The following PNPLA4 variants were observed in gnomAD, a reference collection of about 807,000 sequenced individuals.
The protein encoded by PNPLA4 is patatin like domain 4, phospholipase and triacylglycerol lipase.
A neutral mutation model predicts 18.3 loss-of-function variants in PNPLA4; 15 were observed. The observed-to-expected ratio is 0.82, with a 90% CI of 0.55 to 1.26. The LOEUF is 1.26. PNPLA4 is among the 50% of genes most tolerant of loss of function. PNPLA4 has a pLI of 0.00. For synonymous variants in PNPLA4, 88 were observed against 85.6 expected (o/e 1.03, Z -0.16); for missense variants, 229 against 196.8 (o/e 1.16, Z -0.98).
intron 4 of PNPLA4, among the ~76,000 whole-genome samples, chrX:7,916,324 C>T (rs1479112474): frequency 9.0e-6 from 1 of 110,975 alleles, no homozygotes; most frequent in African/African-American, 3.3e-5. Flanking sequence ...AAAAAGAGCC[C>T]ACAATAAAAT....
At chrX:7,902,216 A>C in intron 5 of PNPLA4, 75 bp from the exon 6 acceptor site, 2 of 961,817 alleles carry the variant, frequency 2.1e-6, no homozygotes, top group Non-Finnish European at 2.8e-6. Context: ...TTCTAATAAT[A>C]TGTGTGCCTT....
At chrX:7,903,690 T>G (rs968838583) in intron 5 of PNPLA4, among the ~76,000 whole-genome samples, 4 of 111,760 alleles carry the variant, frequency 3.6e-5, no homozygotes, top group Non-Finnish European at 7.5e-5. Flanking sequence ...CCAAAGGAAA[T>G]AAAAGTAAAT....
chrX:7,910,295 A>G (rs1349772784), intron 5 of PNPLA4, among the ~76,000 whole-genome samples: 1 of 111,214 alleles, frequency 9.0e-6, no homozygotes, highest in East Asian at 2.8e-4. Flanking sequence ...AGGACCGATG[A>G]GATCAGAACA....
At chrX:7,917,297 C>G (rs1322109397) in intron 4 of PNPLA4, among the ~76,000 whole-genome samples, 1 of 112,117 alleles carries the variant, frequency 8.9e-6, no homozygotes, top group Non-Finnish European at 1.9e-5. Flanking sequence ...TAATGATGAG[C>G]TGTAAAATCA....
intron 4 of PNPLA4, among the ~76,000 whole-genome samples, chrX:7,919,525 A>G (rs1924147879): frequency 8.9e-6 from 1 of 112,533 alleles, no homozygotes; most frequent in Admixed American, 9.4e-5. Context: ...CAGCCATGAC[A>G]CAGAATCCAG....
Position 7,922,030 on chromosome X carries a change from G to T in PNPLA4, c.249C>A (p.Pro83=), listed in dbSNP as rs745454280. The T allele has an allele frequency of 1.3e-5, 16 of 1,207,609 alleles. No homozygotes were observed. The East Asian group carries it at 4.4e-4, about 33-fold the overall frequency. ...TTAGTCGGGCCATGAAGTCATAACC[G>T]GGCGTTACTGCCCCGAAAGACTGCC... is the stretch of plus-strand genomic sequence containing the variant. ...IRRQSFGAVT[P]GYDFMARLRS... is the part of the protein sequence containing the mutation. The change falls in exon 3 of 7, where the codon CCC becomes CCA. Residue 83 remains proline, a synonymous_variant. Coordinates refer to ENST00000381042, the MANE Select transcript of PNPLA4 (RefSeq NM_004650.3).
At chrX:7,917,629 CTTAT>C (rs1439725954) in intron 4 of PNPLA4, among the ~76,000 whole-genome samples, 3 of 111,878 alleles carry the variant, frequency 2.7e-5, no homozygotes, top group African/African-American at 9.8e-5. Flanking sequence ...CATGCTTTAT[CTTAT>C]TTATTCTGTA....
intron 4 of PNPLA4, among the ~76,000 whole-genome samples, chrX:7,919,223 C>G (rs141807552): frequency 3.6e-3 from 405 of 112,660 alleles, no homozygotes; most frequent in African/African-American, 0.012. Flanking sequence ...GCCGTTATAA[C>G]AAATTACTAC....
At chrX:7,908,735 G>T (rs1283506556) in intron 5 of PNPLA4, among the ~76,000 whole-genome samples, 1 of 111,971 alleles carries the variant, frequency 8.9e-6, no homozygotes, top group African/African-American at 3.3e-5. Context: ...GAGACATAAG[G>T]TTCAACTCTA....
chrX:7,904,632 C>T (rs1207019960), intron 5 of PNPLA4, among the ~76,000 whole-genome samples: 1 of 112,372 alleles, frequency 8.9e-6, no homozygotes. Context: ...TCTTCAACCT[C>T]CAAATTAAAA....
At chrX:7,901,509 C>G (rs373010893) in intron 6 of PNPLA4, among the ~76,000 whole-genome samples, 1 of 111,491 alleles carries the variant, frequency 9.0e-6, no homozygotes, top group South Asian at 3.9e-4. Flanking sequence ...ATTACCTGAG[C>G]CTGGGCGGTC....
intron 3 of PNPLA4, 26 bp from the exon 4 acceptor site, chrX:7,921,874 T>C: frequency 8.5e-7 from 1 of 1,181,038 alleles, no homozygotes; most frequent in Non-Finnish European, 1.1e-6. Context: ...CAATCTGAAT[T>C]ACTCACCTTT....
At chrX:7,916,293 G>T (rs190876723) in intron 4 of PNPLA4, among the ~76,000 whole-genome samples, 115 of 111,474 alleles carry the variant, frequency 1.0e-3, no homozygotes, top group African/African-American at 3.7e-3. Flanking sequence ...GGATTTCCTA[G>T]TTGCATGCAT....
intron 5 of PNPLA4, among the ~76,000 whole-genome samples, chrX:7,907,692 A>G (rs1923749359): frequency 9.0e-6 from 1 of 111,495 alleles, no homozygotes; most frequent in Non-Finnish European, 1.9e-5. Flanking sequence ...GAACTTTTTA[A>G]AATAATATTT....
At chrX:7,925,888 T>G in intron 2 of PNPLA4, 52 bp downstream of exon 2, 1 of 1,076,383 alleles carries the variant, frequency 9.3e-7, no homozygotes, top group Non-Finnish European at 1.3e-6. Flanking sequence ...GTGTTTGCCT[T>G]TGGGTCTTAA....
rs1310496157 is a variant in PNPLA4 at position 7,900,774 on chromosome X, G to C, written c.674C>G (p.Pro225Arg). Residue 225 changes from proline (P) to arginine (R), a missense_variant, in exon 7 of 7, where the codon CCC becomes CGC. By Grantham distance (103) the Pro-to-Arg change is moderately radical. Coordinates refer to ENST00000381042, the MANE Select transcript of PNPLA4 (RefSeq NM_004650.3). ...AGATTCCATTTTCCTCTTGCTTGGGGGAAAAAGGGCTTGGTTGAGTCTCAC... is the reference window on the plus strand; with the variant it reads ...AGATTCCATTTTCCTCTTGCTTGGGCGAAAAAGGGCTTGGTTGAGTCTCAC... ...NLVRLNQALF[P>R]PSKRKMESLY... is the part of the protein sequence containing the mutation. The C allele has an allele frequency of 8.3e-7, 1 of 1,204,165 alleles. No individual in the cohort carries two copies. Among genetic ancestry groups the C allele is most frequent in the Non-Finnish European group, 1.1e-6 (1 of 890,086 alleles).
In PNPLA4 at chrX:7,899,426, T is replaced by C. The variant is rs1388809518; in HGVS notation, c.*1260A>G. On this transcript the variant is annotated 3_prime_UTR_variant, in exon 7 of 7. Transcript: ENST00000381042. ...GCCCATACACAAGTCCTCAAAGTGA[T>C]GGACAACTACTCAGAAAGTAAAAAA... The C allele has an allele frequency of 9.0e-6, 1 of 110,586 alleles. No homozygotes were observed. Among genetic ancestry groups the C allele is most frequent in the Non-Finnish European group, 1.9e-5 (1 of 52,986 alleles). 9.1% of individuals were successfully genotyped at this position (110,586 alleles called of 1,213,427 possible).
chrX:7,921,939 G>A, intron 3 of PNPLA4, 65 bp downstream of exon 3: 1 of 1,128,254 alleles, frequency 8.9e-7, no homozygotes, highest in South Asian at 1.9e-5. Flanking sequence ...GCTTGCCAAA[G>A]TTTGTACAGA....
In PNPLA4 at chrX:7,925,982, C is replaced by T. The variant is rs777127516; in HGVS notation, c.138G>A (p.Ser46=). ...VKAFAGASAG[S]LVASVLLTAP... The stretch of plus-strand genomic sequence containing the variant: ...CTGTTAGCAGAACAGAAGCAACCAA[C>T]GATCCCGCAGACGCCCCAGCGAAGG... The change falls in exon 2 of 7, where the codon TCG becomes TCA. Residue 46 remains serine (S), a synonymous_variant. Transcript: ENST00000381042. 1 of 1,211,618 alleles carries T rather than the reference C, an allele frequency of 8.3e-7. No individual in the cohort carries two copies. The highest frequency in any genetic ancestry group is 1.1e-6 in the Non-Finnish European group (1 of 895,279).
Sources: allele counts gnomAD v4.1 joint callset (sites outside exome capture counted in the v4.1 genomes callset), GRCh38; gene constraint gnomAD v4.1.1; transcripts MANE v1.5; gene names NCBI Gene and HGNC (gene_info 2026-07-23, HGNC 2026-07-21).